Variants in ERCC6 observed in about 807,000 individuals in gnomAD.
The protein encoded by ERCC6 is DNA excision repair protein ERCC-6.
Under a neutral mutation model 158.7 loss-of-function variants are expected in ERCC6, and 116 were observed. The ratio of observed to expected loss-of-function variants is 0.73; its 90% CI spans 0.63 to 0.85. The LOEUF (loss-of-function observed/expected upper bound fraction) is 0.85. Among genes scored for constraint, ERCC6 ranks in the 40% least tolerant of loss-of-function variants. ERCC6 has a pLI of 0.00. For missense variants in ERCC6, 1,698 were observed against 1,799.4 expected, an observed-to-expected ratio of 0.94 and a Z score of 1.02; for synonymous variants, 678 against 659.3, an observed-to-expected ratio of 1.03 and a Z score of -0.43.
At position 49,500,622 on chromosome 10, in the gene ERCC6, A is replaced by T. The variant is rs767394327; in HGVS notation, c.1601T>A (p.Met534Lys). Residue 534 changes from methionine to lysine, a missense_variant, in exon 7 of 21, where the codon ATG becomes AAG. Met to Lys is a moderately conservative substitution (Grantham distance 95). Coordinates refer to ENST00000355832, the MANE Select transcript of ERCC6 (RefSeq NM_000124.4). The stretch of plus-strand genomic sequence containing the variant: ...TATCTGGATGGTCTTGCCCAATCCC[A>T]TTTCATCTCCCAGAATTCCTCCTGC... ...QQAGGILGDE[M>K]GLGKTIQIIA... 1.2e-6 allele frequency: 2 copies of T among 1,613,966 alleles called. No individual in the cohort carries two copies. Among genetic ancestry groups the T allele is most frequent in the Admixed American group, 3.3e-5 (2 of 60,002 alleles).
At chr10:49,480,079 G>A (rs558732469) in intron 10 of ERCC6, among the ~76,000 whole-genome samples, 23 of 152,278 alleles carry the variant, frequency 1.5e-4, no homozygotes, top group African/African-American at 4.3e-4. Context: ...TCAACTAGGC[G>A]TCCCTGCAGG....
At chr10:49,468,155 T>G (rs999452469) in intron 18 of ERCC6, among the ~76,000 whole-genome samples, 1 of 152,216 alleles carries the variant, frequency 6.6e-6, no homozygotes, top group Non-Finnish European at 1.5e-5. Flanking sequence ...TTCACTGACC[T>G]TAAGTAGTTT....
intron 5 of ERCC6, among the ~76,000 whole-genome samples, chr10:49,507,074 G>T (rs1297977460): frequency 2.0e-5 from 3 of 152,132 alleles, no homozygotes; most frequent in Admixed American, 1.3e-4. Context: ...AAATGAAAGG[G>T]TAATACTACA....
At chr10:49,527,802 T>C (rs973600618) in intron 4 of ERCC6, among the ~76,000 whole-genome samples, 3 of 152,248 alleles carry the variant, frequency 2.0e-5, no homozygotes, top group Non-Finnish European at 4.4e-5. Flanking sequence ...GCAGCTTTAA[T>C]CTGTATTTCA....
At chr10:49,451,861 C>T (rs1850423415), downstream of ERCC6, among the ~76,000 whole-genome samples, 1 of 152,082 alleles carries the variant, frequency 6.6e-6, no homozygotes, top group African/African-American at 2.4e-5. Context: ...ACTGTCTGTG[C>T]CTGGACTATT....
chr10:49,470,412 G>A lies in ERCC6; in HGVS notation c.3548C>T (p.Ser1183Leu), dbSNP rs1850754384. Residue 1183 changes from serine (S) to leucine (L), a missense_variant, in exon 18 of 21, where the codon TCA (serine) becomes TTA (leucine). Coordinates refer to ENST00000355832, the MANE Select transcript of ERCC6 (RefSeq NM_000124.4). The part of the protein sequence containing the change: ...QMENNFYKHK[S>L]KTKHHSVAEE... ...TGCCACACTATGATGTTTTGTTTTTGACTTGTGCTTATAAAAATTATTTTC... is the reference window on the plus strand; with the variant it reads ...TGCCACACTATGATGTTTTGTTTTTAACTTGTGCTTATAAAAATTATTTTC... 4 of 1,613,944 alleles carry A rather than the reference G, an allele frequency of 2.5e-6. No homozygotes were observed. The highest frequency in any genetic ancestry group is 3.4e-6 in the Non-Finnish European group (4 of 1,179,998).
intron 7 of ERCC6, among the ~76,000 whole-genome samples, chr10:49,499,816 C>T (rs889749494): frequency 6.6e-6 from 1 of 152,032 alleles, no homozygotes; most frequent in African/African-American, 2.4e-5. Context: ...AATACAAAAG[C>T]CTTAATAGTT....
rs751666822 is a variant in ERCC6 at position 49,459,157 on chromosome 10, T to A, written c.4140A>T (p.Ser1380=). The A allele has an allele frequency of 5.0e-6, 8 of 1,614,128 alleles. No individual in the cohort carries two copies. Among genetic ancestry groups the A allele is most frequent in the South Asian group, 1.1e-5 (1 of 91,088 alleles). ...FSGRAEDADS[S]SGPLASSSLL... Reference sequence around the variant, plus strand: ...GTGAGGAGGAAGCGAGGGGCCCGGATGAAGAGTCTGCATCTTCTGCTCTTC... The same window carrying A: ...GTGAGGAGGAAGCGAGGGGCCCGGAAGAAGAGTCTGCATCTTCTGCTCTTC... The change falls in exon 21 of 21, where the codon TCA becomes TCT. Residue 1380 remains serine (S), a synonymous_variant. Coordinates refer to ENST00000355832, the MANE Select transcript of ERCC6 (RefSeq NM_000124.4).
Position 49,457,474 on chromosome 10 carries a change from TCCGGCAAGGCCCC to T in ERCC6, c.*1328_*1340del, listed in dbSNP as rs1850501771. 1 of 152,252 alleles carries T rather than the reference TCCGGCAAGGCCCC, an allele frequency of 6.6e-6. No individual in the cohort carries two copies. Among genetic ancestry groups the T allele is most frequent in the East Asian group, 1.9e-4 (1 of 5,176 alleles). 9.4% of individuals were successfully genotyped at this position (152,252 alleles called of 1,614,324 possible). A position where few individuals can be genotyped will look rare whatever the true frequency, so the allele number is the denominator to read the frequency against. On this transcript the variant is annotated 3_prime_UTR_variant, in exon 21 of 21. Coordinates refer to ENST00000355832, the MANE Select transcript of ERCC6 (RefSeq NM_000124.4). ...GCAAAACTCATGTCCTCTCATGCAG[TCCGGCAAGGCCCC>T]CCTGCCCAGAACCCTCCTCTCTGAG...
chr10:49,505,828 A>C (rs1851432780), intron 6 of ERCC6, 56 bp downstream of exon 6: 1 of 1,606,766 alleles, frequency 6.2e-7, no homozygotes, highest in Non-Finnish European at 8.5e-7. Context: ...CTAAAATGTT[A>C]ATTTGTACAT....
chr10:49,521,828 C>G (rs1837171938), intron 5 of ERCC6, among the ~76,000 whole-genome samples: 1 of 152,162 alleles, frequency 6.6e-6, no homozygotes, highest in South Asian at 2.1e-4. Context: ...CTGCCCAGTT[C>G]CATTAAAAAA....
intron 4 of ERCC6, among the ~76,000 whole-genome samples, chr10:49,525,524 C>T (rs772746536): frequency 1.3e-5 from 2 of 152,188 alleles, no homozygotes; most frequent in Non-Finnish European, 2.9e-5. Context: ...AAGTATCCCT[C>T]TTTCATTAGT....
downstream of ERCC6, among the ~76,000 whole-genome samples, chr10:49,451,356 T>G (rs1402624658): frequency 1.3e-5 from 2 of 152,162 alleles, no homozygotes; most frequent in African/African-American, 4.8e-5. Context: ...TTGTCTTATT[T>G]CTAATCTCAG....
the ERCC6 span, among the ~76,000 whole-genome samples, chr10:49,437,386 A>C: frequency 6.6e-6 from 1 of 152,250 alleles, no homozygotes; most frequent in Non-Finnish European, 1.5e-5. Context: ...ACAAAGTCTC[A>C]GAATATTAAG....
intron 5 of ERCC6, among the ~76,000 whole-genome samples, chr10:49,509,309 G>A (rs563040677): frequency 2.6e-5 from 4 of 152,218 alleles, no homozygotes; most frequent in Admixed American, 6.5e-5. Context: ...AAATCCTCAC[G>A]ACAACCCTGC....
At chr10:49,439,650 G>A in the ERCC6 span, among the ~76,000 whole-genome samples, 1 of 152,268 alleles carries the variant, frequency 6.6e-6, no homozygotes, top group East Asian at 1.9e-4. Context: ...CAGAAAATGG[G>A]TTTTTCTTTT....
intron 4 of ERCC6, 179 bp from the exon 5 acceptor site, chr10:49,524,956 A>G (rs1018019868): frequency 7.1e-7 from 1 of 1,413,850 alleles, no homozygotes; most frequent in Non-Finnish European, 9.3e-7. Context: ...GCATCATGCT[A>G]TATTTAATAT....
chr10:49,509,344 T>C (rs1366525304), intron 5 of ERCC6, among the ~76,000 whole-genome samples: 1 of 152,212 alleles, frequency 6.6e-6, no homozygotes, highest in African/African-American at 2.4e-5. Flanking sequence ...CTATGTTCAC[T>C]GAAAGAAGAG....
chr10:49,520,025 C>T (rs1837109056), intron 5 of ERCC6, among the ~76,000 whole-genome samples: 1 of 152,242 alleles, frequency 6.6e-6, no homozygotes. Flanking sequence ...AGCTAAGGCT[C>T]CCTGCCAGGC....
Sources: gnomAD v4.1 joint callset for allele counts (sites outside exome capture counted in the v4.1 genomes callset) on GRCh38, gnomAD v4.1.1 for gene constraint, MANE v1.5 for transcripts, NCBI Gene and HGNC (gene_info 2026-07-23, HGNC 2026-07-21) for gene names.